The following NRF1 variants were observed in gnomAD, a reference collection of about 807,000 sequenced individuals.
NRF1 encodes the protein nuclear respiratory factor 1, also known as alpha palindromic-binding protein.
Under a neutral mutation model 58.5 loss-of-function variants are expected in NRF1, and 5 were observed. That is an observed-to-expected ratio of 0.09 (90% confidence interval 0.04 to 0.18). The LOEUF is 0.18. Ranked by LOEUF, NRF1 falls within the 10% of genes least tolerant of loss-of-function variation. NRF1 has a pLI of 1.00. For missense variants in NRF1, 288 were observed against 657.7 expected (o/e 0.44, Z 6.15); for synonymous variants, 224 against 246.7 (o/e 0.91, Z 0.86).
chr7:129,748,071 C>A (rs904740851), intron 10 of NRF1, among the ~76,000 whole-genome samples: 1 of 151,832 alleles, frequency 6.6e-6, no homozygotes, highest in Non-Finnish European at 1.5e-5. Flanking sequence ...GTCAGGAGTT[C>A]AAGACCAGCC....
At chr7:129,726,384 T>A (rs189678490) in intron 9 of NRF1, among the ~76,000 whole-genome samples, 13 of 152,156 alleles carry the variant, frequency 8.5e-5, no homozygotes, top group Non-Finnish European at 1.8e-4. Context: ...CATCATAGAA[T>A]CAAGAAAAAT....
In NRF1 at chr7:129,626,011, G is replaced by A. The variant is rs568455865; in HGVS notation, c.-7+14187G>A. ...GTTTTAATTTTTGTTTTAGAGACAG[G>A]GTCTTACTGTGTTGGCCAGGCTGGT... On this transcript the variant is annotated intron_variant, in intron 1 of 10. Coordinates refer to ENST00000393232, the MANE Select transcript of NRF1 (RefSeq NM_005011.5). Among the ~76,000 whole-genome samples, 300 of 152,002 alleles carry A rather than the reference G, an allele frequency of 2.0e-3. 1 individual carries two copies. The highest frequency in any genetic ancestry group is 6.5e-3 in the African/African-American group (270 of 41,472).
chr7:129,657,597 C>G, intron 2 of NRF1, 23 bp downstream of exon 2: 1 of 1,435,324 alleles, frequency 7.0e-7, no homozygotes, highest in Non-Finnish European at 9.5e-7. Context: ...GGATTAGAAG[C>G]TCTTCTTTAA....
intron 8 of NRF1, among the ~76,000 whole-genome samples, chr7:129,712,420 T>G (rs945442546): frequency 6.6e-6 from 1 of 152,144 alleles, no homozygotes; most frequent in Admixed American, 6.5e-5. Flanking sequence ...ATCTCACCCT[T>G]GTTGAGAGCC....
intron 1 of NRF1, among the ~76,000 whole-genome samples, chr7:129,639,100 C>T (rs1241440627): frequency 6.6e-6 from 1 of 152,112 alleles, no homozygotes; most frequent in African/African-American, 2.4e-5. Context: ...CACTCTGTCC[C>T]CCAGGCTGCA....
intron 1 of NRF1, among the ~76,000 whole-genome samples, chr7:129,613,696 C>T (rs1417536803): frequency 6.6e-6 from 1 of 151,092 alleles, no homozygotes; most frequent in African/African-American, 2.4e-5. Flanking sequence ...GTCAGGAGTT[C>T]GAGACCAGCC....
chr7:129,700,236 A>G (rs1249368638), intron 5 of NRF1, among the ~76,000 whole-genome samples: 1 of 152,160 alleles, frequency 6.6e-6, no homozygotes, highest in Non-Finnish European at 1.5e-5. Context: ...TGATAATGTT[A>G]TGTTATGTGT....
intron 1 of NRF1, among the ~76,000 whole-genome samples, chr7:129,646,266 C>T (rs1424365448): frequency 2.0e-5 from 3 of 152,206 alleles, no homozygotes; most frequent in Non-Finnish European, 1.5e-5. Context: ...TCATTTTTTA[C>T]ATCACTTCTT....
chr7:129,722,415 C>T (rs902015705), intron 9 of NRF1, among the ~76,000 whole-genome samples: 3 of 151,740 alleles, frequency 2.0e-5, no homozygotes, highest in Admixed American at 6.6e-5. Context: ...AAAAATCTTT[C>T]TAGCAGTTTA....
intron 1 of NRF1, among the ~76,000 whole-genome samples, chr7:129,625,541 C>T (rs1489627741): frequency 6.6e-6 from 1 of 152,000 alleles, no homozygotes; most frequent in Non-Finnish European, 1.5e-5. Flanking sequence ...CTTTCTGTCT[C>T]CCCAACTGGA....
At chr7:129,704,260 T>G (rs1251853823) in intron 5 of NRF1, among the ~76,000 whole-genome samples, 2 of 152,134 alleles carry the variant, frequency 1.3e-5, no homozygotes, top group Non-Finnish European at 2.9e-5. Flanking sequence ...CCTTTATTTC[T>G]CATCCTCAAC....
At chr7:129,645,127 G>A (rs988599233) in intron 1 of NRF1, among the ~76,000 whole-genome samples, 1 of 151,400 alleles carries the variant, frequency 6.6e-6, no homozygotes, top group African/African-American at 2.4e-5. Flanking sequence ...ATAAGAATAA[G>A]TTACACTTAT....
intron 8 of NRF1, among the ~76,000 whole-genome samples, chr7:129,712,575 C>T (rs1803097765): frequency 6.6e-6 from 1 of 152,172 alleles, no homozygotes. Flanking sequence ...GTGCCAAACC[C>T]CTGTGTAGCT....
intron 10 of NRF1, among the ~76,000 whole-genome samples, chr7:129,731,854 C>T (rs1803587150): frequency 6.6e-6 from 1 of 152,272 alleles, no homozygotes; most frequent in African/African-American, 2.4e-5. Context: ...TCAAAATGAT[C>T]CTCCCGCCTT....
intron 1 of NRF1, among the ~76,000 whole-genome samples, chr7:129,623,424 G>A (rs1453419878): frequency 6.6e-6 from 1 of 150,574 alleles, no homozygotes; most frequent in Non-Finnish European, 1.5e-5. Flanking sequence ...AAAAGATTTT[G>A]TATAGATAAA....
intron 5 of NRF1, among the ~76,000 whole-genome samples, chr7:129,700,041 T>TGGG (rs1036494032): frequency 6.6e-6 from 1 of 150,836 alleles, no homozygotes; most frequent in Non-Finnish European, 1.5e-5. Context: ...CTCGGGAGGC[T>TGGG]GGGGCAGGAG....
intron 1 of NRF1, among the ~76,000 whole-genome samples, chr7:129,632,465 C>T (rs1213047290): frequency 6.6e-6 from 1 of 151,856 alleles, no homozygotes. Context: ...TAATAAATTC[C>T]ATATACCTAC....
chr7:129,621,716 G>A (rs945296264), intron 1 of NRF1, among the ~76,000 whole-genome samples: 1 of 151,880 alleles, frequency 6.6e-6, no homozygotes, highest in African/African-American at 2.4e-5. Flanking sequence ...TAATGCGACT[G>A]AGTGTTAAAA....
intron 2 of NRF1, among the ~76,000 whole-genome samples, chr7:129,663,687 C>A (rs913111191): frequency 6.6e-6 from 1 of 151,538 alleles, no homozygotes; most frequent in South Asian, 2.1e-4. Flanking sequence ...AGACGATGGG[C>A]GGCCAGGCAG....
Sources: gnomAD v4.1 joint callset for allele counts (sites outside exome capture counted in the v4.1 genomes callset) on GRCh38, gnomAD v4.1.1 for gene constraint, MANE v1.5 for transcripts, NCBI Gene and HGNC (gene_info 2026-07-23, HGNC 2026-07-21) for gene names.